Variants in ASIC2 observed in about 807,000 individuals in gnomAD.
The protein encoded by ASIC2 is acid sensing ion channel subunit 2.
Under a neutral mutation model 57.3 loss-of-function variants are expected in ASIC2, and 25 were observed. The observed-to-expected ratio is 0.44, with a 90% CI of 0.32 to 0.61. The LOEUF is 0.61. ASIC2 is among the 20% of genes least tolerant of loss of function. The pLI, the probability that ASIC2 is intolerant of heterozygous loss-of-function variation, is 0.06. For missense variants in ASIC2, 641 were observed against 738.1 expected, an observed-to-expected ratio of 0.87 and a Z score of 1.52; for synonymous variants, 319 against 307.5, an observed-to-expected ratio of 1.04 and a Z score of -0.39.
chr17:33,048,033 T>C (rs1250777319), intron 3 of ASIC2, among the ~76,000 whole-genome samples: 1 of 152,156 alleles, frequency 6.6e-6, no homozygotes, highest in Non-Finnish European at 1.5e-5. Context: ...TAATTAAGGT[T>C]AAGCAAGATG....
At chr17:33,061,257 C>T (rs1267882412) in intron 3 of ASIC2, among the ~76,000 whole-genome samples, 4 of 152,182 alleles carry the variant, frequency 2.6e-5, no homozygotes, top group Admixed American at 2.0e-4. Context: ...AAAGGGAATG[C>T]TTCCAGTTTT....
At chr17:33,654,871 A>T (rs941937734) in intron 1 of ASIC2, among the ~76,000 whole-genome samples, 4 of 152,214 alleles carry the variant, frequency 2.6e-5, no homozygotes, top group Non-Finnish European at 5.9e-5. Context: ...GCTCATGCCT[A>T]TAAATCCTGG....
At chr17:33,704,195 G>T (rs1326819024) in intron 1 of ASIC2, among the ~76,000 whole-genome samples, 1 of 152,180 alleles carries the variant, frequency 6.6e-6, no homozygotes, top group Admixed American at 6.5e-5. Context: ...CTCCTGAAGA[G>T]AGCATGCACG....
At chr17:34,028,846 G>A (rs1907476099) in intron 1 of ASIC2, among the ~76,000 whole-genome samples, 1 of 152,088 alleles carries the variant, frequency 6.6e-6, no homozygotes, top group Admixed American at 6.6e-5. Flanking sequence ...GAATCTTTCT[G>A]GTTCCATCTC....
chr17:33,404,537 G>C (rs1006463124), intron 1 of ASIC2, among the ~76,000 whole-genome samples: 1 of 152,212 alleles, frequency 6.6e-6, no homozygotes, highest in Non-Finnish European at 1.5e-5. Flanking sequence ...ATCTGAAGCA[G>C]ATGGCTCAAC....
At chr17:33,422,013 T>C (rs1911061207) in intron 1 of ASIC2, among the ~76,000 whole-genome samples, 2 of 152,238 alleles carry the variant, frequency 1.3e-5, no homozygotes, top group South Asian at 4.1e-4. Flanking sequence ...CTGTATCTGC[T>C]GGGCAAACTT....
At chr17:33,231,249 C>T (rs911071128) in intron 1 of ASIC2, among the ~76,000 whole-genome samples, 1 of 152,180 alleles carries the variant, frequency 6.6e-6, no homozygotes, top group Non-Finnish European at 1.5e-5. Context: ...GTTCATCTTC[C>T]CTGCCTTTCA....
intron 1 of ASIC2, among the ~76,000 whole-genome samples, chr17:33,472,184 T>C (rs539855232): frequency 1.8e-4 from 27 of 152,126 alleles, no homozygotes; most frequent in Non-Finnish European, 3.1e-4. Flanking sequence ...CATGCCCAGC[T>C]AATTTCTTTA....
intron 1 of ASIC2, among the ~76,000 whole-genome samples, chr17:33,616,304 G>A (rs1905602010): frequency 6.6e-6 from 1 of 152,166 alleles, no homozygotes; most frequent in African/African-American, 2.4e-5. Context: ...TCAAGACAGA[G>A]CACCTGACAC....
At chr17:33,033,581 G>T (rs1363413724) in intron 3 of ASIC2, among the ~76,000 whole-genome samples, 1 of 152,212 alleles carries the variant, frequency 6.6e-6, no homozygotes, top group Non-Finnish European at 1.5e-5. Context: ...GCAGGCTGGT[G>T]GGTGACTCCT....
intron 1 of ASIC2, among the ~76,000 whole-genome samples, chr17:33,469,487 G>T (rs1033597547): frequency 2.0e-5 from 3 of 152,176 alleles, no homozygotes; most frequent in South Asian, 4.1e-4. Flanking sequence ...TCCTAAAGCT[G>T]CAGGAAGAGG....
At chr17:33,754,403 C>A (rs1270151964) in intron 1 of ASIC2, among the ~76,000 whole-genome samples, 2 of 152,026 alleles carry the variant, frequency 1.3e-5, no homozygotes, top group African/African-American at 4.8e-5. Flanking sequence ...TATGGACATA[C>A]CCTAAGGCCT....
Position 34,096,714 on chromosome 17 carries a change from G to A in ASIC2, c.555+59264C>T, listed in dbSNP as rs188814061. ...CTAAAAAAATACAAAGAAGTTAGCC[G>A]GGCAGGGTGGCAGGCGCCTGTAGTC... On this transcript the variant is annotated intron_variant, in intron 1 of 9. Transcript: ENST00000359872. Among the ~76,000 whole-genome samples the A allele has an allele frequency of 4.0e-3, 602 of 151,904 alleles. 3 individuals are homozygous for A. Among genetic ancestry groups the A allele is most frequent in the African/African-American group, 0.013 (554 of 41,462 alleles).
At position 33,476,565 on chromosome 17, in the gene ASIC2, G is replaced by T. The variant is rs1224376902; in HGVS notation, c.556-364498C>A. Among the ~76,000 whole-genome samples, 10 of 150,702 alleles carry T rather than the reference G, an allele frequency of 6.6e-5. No individual in the cohort carries two copies. The East Asian group carries it at 1.6e-3, about 23-fold the overall frequency. ...CAGGGGTGTGTGTGTGTGTGTGTGT[G>T]TGTGTGTGTGTCAGTTCTTGGACTG... On this transcript the variant is annotated intron_variant, in intron 1 of 9. Transcript: ENST00000359872.
intron 3 of ASIC2, among the ~76,000 whole-genome samples, chr17:33,035,956 T>C (rs990041480): frequency 3.3e-5 from 5 of 152,238 alleles, no homozygotes; most frequent in African/African-American, 1.2e-4. Flanking sequence ...GTGGTTGAGC[T>C]CCATCCCCAG....
At chr17:33,939,696 T>G (rs1916142712) in intron 1 of ASIC2, among the ~76,000 whole-genome samples, 2 of 152,174 alleles carry the variant, frequency 1.3e-5, no homozygotes, top group South Asian at 4.1e-4. Context: ...TACCACAGGA[T>G]GGTGAGCAGG....
chr17:34,024,641 G>C (rs1028039091), intron 1 of ASIC2, among the ~76,000 whole-genome samples: 1 of 152,178 alleles, frequency 6.6e-6, no homozygotes, highest in Non-Finnish European at 1.5e-5. Flanking sequence ...TCCATTGCCT[G>C]TTTCCTAGCA....
chr17:33,168,474 T>C (rs1313513744), intron 1 of ASIC2, among the ~76,000 whole-genome samples: 1 of 152,152 alleles, frequency 6.6e-6, no homozygotes, highest in Non-Finnish European at 1.5e-5. Flanking sequence ...ACTTAAATGG[T>C]CATGATAAGA....
At chr17:33,220,372 C>T (rs1907645300) in intron 1 of ASIC2, among the ~76,000 whole-genome samples, 1 of 152,168 alleles carries the variant, frequency 6.6e-6, no homozygotes, top group African/African-American at 2.4e-5. Context: ...AGTGTGAAGG[C>T]CACTGTCATT....
Sources: allele counts gnomAD v4.1 joint callset (sites outside exome capture counted in the v4.1 genomes callset), GRCh38; gene constraint gnomAD v4.1.1; transcripts MANE v1.5; gene names NCBI Gene and HGNC (gene_info 2026-07-23, HGNC 2026-07-21).